Variants in SORCS3 observed in about 807,000 individuals in gnomAD.
SORCS3 encodes VPS10 domain-containing receptor SorCS3.
In SORCS3, 57 loss-of-function variants were observed where a neutral mutation model predicts 146.3. That is an observed-to-expected ratio of 0.39 (90% CI 0.31 to 0.49). The LOEUF (loss-of-function observed/expected upper bound fraction) is 0.49. Ranked by LOEUF, SORCS3 falls within the 20% of genes least tolerant of loss-of-function variation. The pLI is 0.92. For missense variants in SORCS3, 1,341 were observed against 1,575.5 expected (o/e 0.85, Z 2.52); for synonymous variants, 653 against 618.5 (o/e 1.06, Z -0.83).
rs948719185 is a variant in SORCS3 at position 104,728,119 on chromosome 10, GT to G, written c.627+86174del. Among the ~76,000 whole-genome samples the G allele has an allele frequency of 6.0e-5, 9 of 149,704 alleles. No homozygotes were observed. The South Asian group carries it at 1.1e-3, about 18-fold the overall frequency. On this transcript the variant is annotated intron_variant, in intron 1 of 26. Transcript: ENST00000369701. ...GTTCCATTTGTGTCCATACCATCAG[GT>G]TTTTTTTTCTTTTTTAACCAATCCA...
chr10:104,706,211 T>C (rs1157277372), intron 1 of SORCS3, among the ~76,000 whole-genome samples: 4 of 106,156 alleles, frequency 3.8e-5, no homozygotes, highest in Non-Finnish European at 7.0e-5. Context: ...CTTTTTTTTT[T>C]TTTTTTTTTT....
intron 2 of SORCS3, among the ~76,000 whole-genome samples, chr10:104,894,415 A>G (rs1283592509): frequency 6.6e-6 from 1 of 152,228 alleles, no homozygotes; most frequent in South Asian, 2.1e-4. Flanking sequence ...TTCACAGCAA[A>G]TATTGAATCA....
At chr10:105,055,876 A>C (rs1288444875) in intron 5 of SORCS3, among the ~76,000 whole-genome samples, 1 of 152,208 alleles carries the variant, frequency 6.6e-6, no homozygotes, top group Non-Finnish European at 1.5e-5. Context: ...TAAAATTCAA[A>C]AGTCATCAAA....
At chr10:104,687,514 T>C (rs563957571) in intron 1 of SORCS3, among the ~76,000 whole-genome samples, 19 of 152,286 alleles carry the variant, frequency 1.2e-4, no homozygotes, top group African/African-American at 4.6e-4. Context: ...CACTAAGGTG[T>C]AAATGATCTA....
intron 3 of SORCS3, among the ~76,000 whole-genome samples, chr10:104,952,255 GAAAAAAAAAAAAAAAA>G (rs55880149): frequency 2.5e-4 from 10 of 40,608 alleles, no homozygotes; most frequent in African/African-American, 4.5e-4. Context: ...ATGAATGTTT[GAAAAAAAAAAAAAAAA>G]AAAAAAAAAA....
intron 16 of SORCS3, among the ~76,000 whole-genome samples, chr10:105,204,100 C>T (rs570429911): frequency 1.5e-4 from 23 of 152,148 alleles, no homozygotes; most frequent in South Asian, 2.1e-4. Context: ...AGCCTTTACA[C>T]GGCCTTCTGT....
At chr10:105,188,189 A>G (rs1294834357) in intron 14 of SORCS3, among the ~76,000 whole-genome samples, 1 of 152,192 alleles carries the variant, frequency 6.6e-6, no homozygotes, top group Non-Finnish European at 1.5e-5. Context: ...AAGGAACATC[A>G]CAGAATATTA....
At chr10:104,751,277 T>A (rs752759282) in intron 1 of SORCS3, among the ~76,000 whole-genome samples, 1 of 152,332 alleles carries the variant, frequency 6.6e-6, no homozygotes, top group Non-Finnish European at 1.5e-5. Context: ...GGTACTGGAC[T>A]CTCTCTTATG....
chr10:104,699,334 C>G (rs1200008420), intron 1 of SORCS3, among the ~76,000 whole-genome samples: 1 of 152,102 alleles, frequency 6.6e-6, no homozygotes, highest in East Asian at 1.9e-4. Context: ...ACTTGTTTCC[C>G]TGGAGTCTCC....
At chr10:104,794,366 G>A (rs1589501657) in intron 1 of SORCS3, among the ~76,000 whole-genome samples, 2 of 152,148 alleles carry the variant, frequency 1.3e-5, no homozygotes, top group Admixed American at 1.3e-4. Flanking sequence ...TTTCTATTAT[G>A]AAGCCAAAGT....
chr10:105,012,642 G>T (rs191436940), intron 4 of SORCS3, among the ~76,000 whole-genome samples: 34 of 152,120 alleles, frequency 2.2e-4, no homozygotes, highest in African/African-American at 7.9e-4. Context: ...TCCACCTTTC[G>T]TTTTCTCCCT....
intron 7 of SORCS3, among the ~76,000 whole-genome samples, chr10:105,106,994 A>G (rs2055826452): frequency 6.6e-6 from 1 of 151,964 alleles, no homozygotes; most frequent in Admixed American, 6.6e-5. Context: ...TTTAAGGACT[A>G]TTTCCAAGGT....
intron 3 of SORCS3, among the ~76,000 whole-genome samples, chr10:104,927,736 G>A (rs942595389): frequency 2.0e-5 from 3 of 151,950 alleles, no homozygotes; most frequent in Admixed American, 1.3e-4. Flanking sequence ...AAATTAGCCA[G>A]GCGTGGTGGC....
chr10:104,642,328 C>A (rs541493838), intron 1 of SORCS3, among the ~76,000 whole-genome samples: 1 of 152,164 alleles, frequency 6.6e-6, no homozygotes, highest in African/African-American at 2.4e-5. Flanking sequence ...TGACTTGGGG[C>A]GGGAGCCGCT....
At chr10:104,873,407 G>C (rs991194023) in intron 2 of SORCS3, among the ~76,000 whole-genome samples, 2 of 152,194 alleles carry the variant, frequency 1.3e-5, no homozygotes, top group South Asian at 4.1e-4. Flanking sequence ...AGCAGTGGGA[G>C]CCAGTTCTGA....
intron 5 of SORCS3, among the ~76,000 whole-genome samples, chr10:105,060,868 C>T (rs1273346421): frequency 2.0e-5 from 3 of 151,390 alleles, no homozygotes; most frequent in Non-Finnish European, 2.9e-5. Context: ...ACCCGGGAGG[C>T]GGAGGTTGTG....
intron 2 of SORCS3, among the ~76,000 whole-genome samples, chr10:104,880,626 A>ACTT (rs35295130): frequency 0.72 from 109,143 of 151,720 alleles, 39,693 homozygotes; most frequent in East Asian, 0.88. Flanking sequence ...GTAGGTTGCT[A>ACTT]CTTCTGCCAA....
At chr10:105,008,423 G>C (rs928173268) in intron 4 of SORCS3, among the ~76,000 whole-genome samples, 2 of 152,144 alleles carry the variant, frequency 1.3e-5, no homozygotes, top group African/African-American at 4.8e-5. Context: ...GGCTGAAATT[G>C]AAGGCTGTGA....
intron 2 of SORCS3, among the ~76,000 whole-genome samples, chr10:104,883,617 A>G (rs1411043007): frequency 1.3e-5 from 2 of 152,218 alleles, no homozygotes; most frequent in Non-Finnish European, 2.9e-5. Flanking sequence ...ATACCGCTCA[A>G]AGCAGCTAAC....
Sources: allele counts gnomAD v4.1 joint callset (sites outside exome capture counted in the v4.1 genomes callset), GRCh38; gene constraint gnomAD v4.1.1; transcripts MANE v1.5; gene names NCBI Gene and HGNC (gene_info 2026-07-23, HGNC 2026-07-21).